CNTNAP5: variants seen among roughly 807,000 people sequenced by gnomAD.
CNTNAP5 encodes contactin-associated protein-like 5.
Under a neutral mutation model 150.2 loss-of-function variants are expected in CNTNAP5, and 72 were observed. The ratio of observed to expected loss-of-function variants is 0.48; its 90% CI spans 0.40 to 0.58. CNTNAP5 has a LOEUF of 0.58. CNTNAP5 is among the 20% of genes least tolerant of loss of function. The probability of loss-of-function intolerance (pLI) is 0.00; values close to 1 mark genes in which losing one functional copy is unlikely to be tolerated. For missense variants in CNTNAP5, 1,636 were observed against 1,626.2 expected, an observed-to-expected ratio of 1.01 and a Z score of -0.10; for synonymous variants, 672 against 619.8, an observed-to-expected ratio of 1.08 and a Z score of -1.25.
At chr2:124,041,103 T>C (rs1036900723) in intron 1 of CNTNAP5, among the ~76,000 whole-genome samples, 1 of 152,184 alleles carries the variant, frequency 6.6e-6, no homozygotes, top group Non-Finnish European at 1.5e-5. Context: ...AATCAACCAC[T>C]GTAAAAATTC....
At chr2:124,611,714 C>G (rs1450170416) in intron 12 of CNTNAP5, among the ~76,000 whole-genome samples, 1 of 152,158 alleles carries the variant, frequency 6.6e-6, no homozygotes, top group Non-Finnish European at 1.5e-5. Flanking sequence ...CCCTGTTCCA[C>G]TTTTCCAAAA....
chr2:124,553,756 G>T (rs964722395), intron 10 of CNTNAP5, among the ~76,000 whole-genome samples: 4 of 152,234 alleles, frequency 2.6e-5, no homozygotes, highest in African/African-American at 9.6e-5. Flanking sequence ...TCACCAAAAG[G>T]CAACCATTGT....
chr2:124,807,232 G>T (rs763205764), intron 19 of CNTNAP5, among the ~76,000 whole-genome samples: 4 of 152,124 alleles, frequency 2.6e-5, no homozygotes, highest in Non-Finnish European at 5.9e-5. Flanking sequence ...AGTCATTGAA[G>T]ATATGTCTCC....
intron 3 of CNTNAP5, among the ~76,000 whole-genome samples, chr2:124,371,217 T>C (rs1690516852): frequency 6.6e-6 from 1 of 152,116 alleles, no homozygotes; most frequent in Non-Finnish European, 1.5e-5. Context: ...CTTTTGCTTT[T>C]GCTGTTTTCT....
chr2:124,373,421 G>C (rs560174428), intron 3 of CNTNAP5, among the ~76,000 whole-genome samples: 105 of 152,142 alleles, frequency 6.9e-4, no homozygotes, highest in African/African-American at 2.4e-3. Flanking sequence ...AGCCCACAAG[G>C]AAATTGTGGT....
At chr2:124,325,855 C>T (rs1233433193) in intron 3 of CNTNAP5, among the ~76,000 whole-genome samples, 1 of 152,118 alleles carries the variant, frequency 6.6e-6, no homozygotes, top group African/African-American at 2.4e-5. Context: ...CTATAGACCT[C>T]CACTAGGGGG....
In CNTNAP5 at chr2:124,804,025, C is replaced by G. The variant is rs543528612; in HGVS notation, c.3217+5705C>G. On this transcript the variant is annotated intron_variant, in intron 19 of 23. Coordinates refer to ENST00000682447, the MANE Select transcript of CNTNAP5 (RefSeq NM_001367498.1). ...ATAACTAAGCCCTGACCACTTCAGT[C>G]TCTGGGCTTGTGTCAAGTAACACTT... 3.9e-5 allele frequency among the ~76,000 whole-genome samples: 6 copies of G among 152,352 alleles called. No homozygotes were observed. In the East Asian group the frequency reaches 1.2e-3, roughly 29 times the overall value.
chr2:124,399,577 T>TTTA (rs1400789879), intron 3 of CNTNAP5, among the ~76,000 whole-genome samples: 8 of 151,902 alleles, frequency 5.3e-5, no homozygotes, highest in African/African-American at 1.9e-4. Flanking sequence ...GCATCCTAGA[T>TTTA]TTATTTAGTC....
At chr2:124,279,123 C>T (rs1467813333) in intron 3 of CNTNAP5, among the ~76,000 whole-genome samples, 7 of 151,932 alleles carry the variant, frequency 4.6e-5, no homozygotes, top group African/African-American at 1.4e-4. Flanking sequence ...TGATTGACGC[C>T]GCTGTCTGAG....
intron 19 of CNTNAP5, among the ~76,000 whole-genome samples, chr2:124,826,334 A>AT (rs1682592374): frequency 6.6e-6 from 1 of 152,060 alleles, no homozygotes; most frequent in Admixed American, 6.6e-5. Context: ...GATTGGGCCC[A>AT]TAGAGGTTCA....
chr2:124,714,522 A>G (rs1031156056), intron 13 of CNTNAP5, among the ~76,000 whole-genome samples: 3 of 152,086 alleles, frequency 2.0e-5, no homozygotes, highest in African/African-American at 7.2e-5. Flanking sequence ...AGGCAAAGGC[A>G]TTACCTTCAA....
intron 19 of CNTNAP5, among the ~76,000 whole-genome samples, chr2:124,862,001 A>T (rs193277406): frequency 2.0e-5 from 3 of 152,168 alleles, no homozygotes; most frequent in African/African-American, 7.2e-5. Flanking sequence ...TTTTGTAGAG[A>T]TGGGGTTTCA....
intron 1 of CNTNAP5, among the ~76,000 whole-genome samples, chr2:124,043,886 C>T (rs1209188941): frequency 2.6e-5 from 4 of 152,168 alleles, no homozygotes; most frequent in Admixed American, 2.0e-4. Flanking sequence ...ATAACTGGTA[C>T]AATTTTGGGT....
rs1018221692 is a variant in CNTNAP5, at chr2:124,102,442, T to G, written c.82+76710T>G. ...GCCAGAAGTTCAGCGACCAGGCTCT[T>G]CATCCCACTCTGCCCATTCATTGGC... On this transcript the variant is annotated intron_variant, in intron 1 of 23. Coordinates refer to ENST00000682447, the MANE Select transcript of CNTNAP5 (RefSeq NM_001367498.1). Among the ~76,000 whole-genome samples, 3 of 152,194 alleles carry G rather than the reference T, an allele frequency of 2.0e-5. No individual in the cohort carries two copies. The South Asian group carries it at 6.2e-4, about 31-fold the overall frequency.
At chr2:124,310,292 G>A (rs1425411053) in intron 3 of CNTNAP5, among the ~76,000 whole-genome samples, 1 of 152,042 alleles carries the variant, frequency 6.6e-6, no homozygotes, top group African/African-American at 2.4e-5. Context: ...AGTGTGGGCT[G>A]TGTGTCTGTG....
chr2:124,649,974 G>A (rs1369142097), intron 13 of CNTNAP5, among the ~76,000 whole-genome samples: 1 of 152,178 alleles, frequency 6.6e-6, no homozygotes, highest in Non-Finnish European at 1.5e-5. Flanking sequence ...TCATAATTAT[G>A]TAGTAACAGA....
At chr2:124,793,132 C>G (rs1316367000) in intron 18 of CNTNAP5, among the ~76,000 whole-genome samples, 4 of 152,152 alleles carry the variant, frequency 2.6e-5, no homozygotes, top group Non-Finnish European at 5.9e-5. Flanking sequence ...ATCGGCTGTT[C>G]CATTTTACAT....
intron 1 of CNTNAP5, among the ~76,000 whole-genome samples, chr2:124,170,788 G>A (rs937633356): frequency 1.4e-5 from 2 of 144,672 alleles, no homozygotes; most frequent in African/African-American, 5.2e-5. Flanking sequence ...TAGGAAAAGG[G>A]CAGAAAATGC....
In CNTNAP5 at chr2:124,706,940, AAGGAGGAGG is replaced by A. The variant is rs368704738; in HGVS notation, c.2078-40271_2078-40263del. Among the ~76,000 whole-genome samples the A allele has an allele frequency of 6.6e-4, 12 of 18,210 alleles. 1 individual carries two copies. The highest frequency in any genetic ancestry group is 9.7e-4 in the African/African-American group (6 of 6,210). The allele number at this position is 18,210 out of a possible 152,430, so 11.9% of individuals were successfully genotyped here. ...GGAGAAGAAGAAGAAGAAGAAGAAG[AAGGAGGAGG>A]AGGAGGAGGAGGAGGAGAAGAGGAA... is the stretch of plus-strand genomic sequence containing the variant. On this transcript the variant is annotated intron_variant, in intron 13 of 23. Coordinates refer to ENST00000682447, the MANE Select transcript of CNTNAP5 (RefSeq NM_001367498.1).
Sources: allele counts gnomAD v4.1 joint callset (sites outside exome capture counted in the v4.1 genomes callset), GRCh38; gene constraint gnomAD v4.1.1; transcripts MANE v1.5; gene names NCBI Gene and HGNC (gene_info 2026-07-23, HGNC 2026-07-21).